Variants in FRAS1 observed in about 807,000 individuals in gnomAD.
FRAS1 encodes the protein extracellular matrix organizing protein FRAS1.
Under a neutral mutation model 435.2 loss-of-function variants are expected in FRAS1, and 290 were observed. The observed-to-expected ratio is 0.67, with a 90% CI of 0.61 to 0.73. The LOEUF (loss-of-function observed/expected upper bound fraction) is 0.73, where lower values mean the gene tolerates loss of function less well. Ranked by LOEUF, FRAS1 falls within the 30% of genes least tolerant of loss-of-function variation. The probability of loss-of-function intolerance (pLI) is 0.00; values close to 1 mark genes in which losing one functional copy is unlikely to be tolerated. For missense variants in FRAS1, 4,860 were observed against 5,001.5 expected, an observed-to-expected ratio of 0.97 and a Z score of 0.85; for synonymous variants, 1,800 against 1,851.0, an observed-to-expected ratio of 0.97 and a Z score of 0.71.
intron 59 of FRAS1, among the ~76,000 whole-genome samples, chr4:78,492,734 G>A (rs1281361107): frequency 6.6e-6 from 1 of 152,100 alleles, no homozygotes; most frequent in African/African-American, 2.4e-5. Context: ...ACAAGGACAA[G>A]GCAAGGACAC....
Position 78,333,383 on chromosome 4 carries a change from G to A in FRAS1, c.2249G>A (p.Gly750Asp). The A allele has an allele frequency of 2.5e-6, 4 of 1,611,806 alleles. No individual in the cohort carries two copies. Among genetic ancestry groups the A allele is most frequent in the Non-Finnish European group, 3.4e-6 (4 of 1,179,050 alleles). ...DGQCLSQCPD[G>D]YFHQEGSCTE... Reference sequence around the variant, plus strand: ...CAGTGCCTCTCCCAGTGCCCAGATGGCTACTTTCACCAGGAAGGTAGTTGC... The same window carrying A: ...CAGTGCCTCTCCCAGTGCCCAGATGACTACTTTCACCAGGAAGGTAGTTGC... The change falls in exon 19 of 74, where the codon GGC (glycine) becomes GAC (aspartate). Residue 750 changes from glycine to aspartate, a missense_variant. Gly to Asp is a moderately conservative substitution (Grantham distance 94). Transcript: ENST00000512123.
intron 18 of FRAS1, among the ~76,000 whole-genome samples, chr4:78,330,182 C>T (rs1415195828): frequency 6.6e-6 from 1 of 152,176 alleles, no homozygotes; most frequent in Non-Finnish European, 1.5e-5. Flanking sequence ...TTTCTTATGC[C>T]TGTCTTTATT....
At chr4:78,102,230 A>C (rs1742166700) in intron 2 of FRAS1, among the ~76,000 whole-genome samples, 1 of 152,204 alleles carries the variant, frequency 6.6e-6, no homozygotes, top group Non-Finnish European at 1.5e-5. Flanking sequence ...GAACCATTTG[A>C]AAGGACCACC....
chr4:78,374,210 G>A lies in FRAS1; in HGVS notation c.3110G>A (p.Gly1037Glu). ...LLEAQCVQEC[G>E]KGYFADHAKH... ...GAAGCCCAGTGTGTCCAGGAATGTG[G>A]GAAGGGGTACTTTGCAGATCATGCA... Residue 1037 changes from glycine to glutamate, a missense_variant, in exon 25 of 74, where the codon GGG (glycine) becomes GAG (glutamate). Gly to Glu is a moderately conservative substitution (Grantham distance 98). Transcript: ENST00000512123. The A allele has an allele frequency of 6.2e-7, 1 of 1,604,288 alleles. No homozygotes were observed. Among genetic ancestry groups the A allele is most frequent in the Non-Finnish European group, 8.5e-7 (1 of 1,173,056 alleles).
chr4:78,442,961 T>C (rs1734715964), intron 41 of FRAS1, among the ~76,000 whole-genome samples: 1 of 152,160 alleles, frequency 6.6e-6, no homozygotes, highest in Non-Finnish European at 1.5e-5. Flanking sequence ...GAGGGCAAAA[T>C]AATTGTCACA....
chr4:78,257,826 C>T (rs941807684), intron 6 of FRAS1, among the ~76,000 whole-genome samples: 14 of 152,218 alleles, frequency 9.2e-5, no homozygotes, highest in Non-Finnish European at 1.9e-4. Context: ...ATTCTTCTAA[C>T]GAAGGATGTA....
At chr4:78,347,264 A>G (rs1444671173) in intron 20 of FRAS1, among the ~76,000 whole-genome samples, 1 of 152,156 alleles carries the variant, frequency 6.6e-6, no homozygotes, top group East Asian at 1.9e-4. Context: ...GATACTGCAT[A>G]TCTCTGTTTC....
chr4:78,439,398 T>C (rs2109823878), intron 40 of FRAS1, among the ~76,000 whole-genome samples: 1 of 152,320 alleles, frequency 6.6e-6, no homozygotes, highest in Non-Finnish European at 1.5e-5. Context: ...CAACTAAAAC[T>C]TGGACAATGA....
rs777904848 is a variant in FRAS1 at position 78,526,620 on chromosome 4, G to C, written c.10888G>C (p.Glu3630Gln). ...CACACAGCCATGGGTTGACCCAGGA[G>C]AGAAGCCTTTGGCCTGCACTGCACA... ...QPTQPWVDPG[E>Q]KPLACTAHAP... is the part of the protein sequence containing the mutation. The change falls in exon 70 of 74, where the codon GAG (glutamate) becomes CAG (glutamine). Residue 3630 changes from glutamate to glutamine, a missense_variant. By Grantham distance (29) the Glu-to-Gln change is conservative. Transcript: ENST00000512123. The C allele has an allele frequency of 3.8e-6, 6 of 1,597,414 alleles. No homozygotes were observed. In the South Asian group the frequency reaches 6.9e-5, roughly 18 times the overall value.
intron 1 of FRAS1, 107 bp from the exon 2 acceptor site, chr4:78,065,878 C>G (rs773753093): frequency 3.5e-4 from 276 of 786,690 alleles, no homozygotes; most frequent in Non-Finnish European, 5.5e-4. Context: ...AGCTCATTTT[C>G]CTGGTTATGA....
intron 42 of FRAS1, chr4:78,445,960 G>C: frequency 7.7e-7 from 1 of 1,292,710 alleles, no homozygotes; most frequent in Non-Finnish European, 9.8e-7. Flanking sequence ...AAAACAGTTT[G>C]TGAAGGTCAG....
chr4:78,074,048 C>T (rs768265101), intron 2 of FRAS1, among the ~76,000 whole-genome samples: 7 of 151,820 alleles, frequency 4.6e-5, no homozygotes, highest in Non-Finnish European at 8.8e-5. Context: ...TTGTTAGTAC[C>T]CAGGAGGCTC....
intron 2 of FRAS1, among the ~76,000 whole-genome samples, chr4:78,114,386 T>A (rs912475865): frequency 6.6e-6 from 1 of 152,214 alleles, no homozygotes; most frequent in African/African-American, 2.4e-5. Flanking sequence ...GGTAGGTTGA[T>A]GGGGATGGCT....
At chr4:78,274,534 C>T (rs1239173817) in intron 9 of FRAS1, among the ~76,000 whole-genome samples, 3 of 152,168 alleles carry the variant, frequency 2.0e-5, no homozygotes, top group East Asian at 1.9e-4. Flanking sequence ...TCGTTGGTTT[C>T]GAAGAACATC....
chr4:78,174,953 G>A (rs770833581), intron 2 of FRAS1, among the ~76,000 whole-genome samples: 7 of 152,322 alleles, frequency 4.6e-5, no homozygotes, highest in Admixed American at 1.3e-4. Context: ...CACAGGCTGC[G>A]GTATTATTGA....
intron 35 of FRAS1, among the ~76,000 whole-genome samples, chr4:78,428,657 C>G (rs1037076184): frequency 2.6e-5 from 4 of 152,122 alleles, no homozygotes; most frequent in African/African-American, 9.7e-5. Context: ...ATAGACTTGC[C>G]ACTTCTAAAA....
At chr4:78,103,230 A>G (rs974243596) in intron 2 of FRAS1, among the ~76,000 whole-genome samples, 1 of 152,230 alleles carries the variant, frequency 6.6e-6, no homozygotes, top group African/African-American at 2.4e-5. Context: ...GGAAGAAGAC[A>G]TTTCTTAAAC....
intron 58 of FRAS1, among the ~76,000 whole-genome samples, chr4:78,483,798 A>ATATATATATATATATATATATATAT (rs1491045148): frequency 5.6e-5 from 4 of 71,664 alleles, no homozygotes; most frequent in South Asian, 9.9e-4. Context: ...ATATATATAT[A>ATATATATATATATATATATATATAT]AAATTATGTA....
intron 16 of FRAS1, among the ~76,000 whole-genome samples, chr4:78,316,647 T>A (rs345517): frequency 3.3e-5 from 5 of 151,746 alleles, no homozygotes; most frequent in African/African-American, 1.2e-4. Flanking sequence ...TCCCTTAGAG[T>A]CAGAGATGTC....
Sources: allele counts gnomAD v4.1 joint callset (sites outside exome capture counted in the v4.1 genomes callset), GRCh38; gene constraint gnomAD v4.1.1; transcripts MANE v1.5; gene names NCBI Gene and HGNC (gene_info 2026-07-23, HGNC 2026-07-21).